The following HIVEP1 variants were observed in gnomAD, a reference collection of about 807,000 sequenced individuals.
The protein encoded by HIVEP1 is zinc finger protein 40.
Under a neutral mutation model 180.0 loss-of-function variants are expected in HIVEP1, and 36 were observed. The observed-to-expected ratio is 0.20, with a 90% confidence interval of 0.15 to 0.26. The LOEUF (loss-of-function observed/expected upper bound fraction) is 0.26, where lower values mean the gene tolerates loss of function less well. Ranked by LOEUF, HIVEP1 falls within the 10% of genes least tolerant of loss-of-function variation. HIVEP1 has a pLI of 1.00. For missense variants in HIVEP1, 3,143 were observed against 3,268.7 expected (o/e 0.96, Z 0.94); for synonymous variants, 1,239 against 1,239.0 (o/e 1.00, Z 0.00).
rs1428241937 is a variant in HIVEP1, at chr6:12,120,068, G to C, written c.273G>C (p.Ser91=). The C allele has an allele frequency of 1.2e-6, 2 of 1,612,760 alleles. No individual in the cohort carries two copies. The highest frequency in any genetic ancestry group is 2.7e-5 in the African/African-American group (2 of 74,652). The change falls in exon 4 of 9, where the codon TCG becomes TCC. Residue 91 remains serine (S), a synonymous_variant. Transcript: ENST00000379388. ...CTTTCGCCGTTCTTCATAGTGCTTCGGAGTCTCACAAGAAACAGAATTATA... is the reference window on the plus strand; with the variant it reads ...CTTTCGCCGTTCTTCATAGTGCTTCCGAGTCTCACAAGAAACAGAATTATA... ...ESSFAVLHSA[S]ESHKKQNYIP... is the part of the protein sequence containing the mutation.
At chr6:12,014,304 G>A (rs1238258148) in intron 1 of HIVEP1, among the ~76,000 whole-genome samples, 1 of 152,138 alleles carries the variant, frequency 6.6e-6, no homozygotes, top group Admixed American at 6.5e-5. Flanking sequence ...CACAAAATAA[G>A]CACTGGATAT....
At chr6:12,048,752 A>G (rs975548851) in intron 2 of HIVEP1, among the ~76,000 whole-genome samples, 1 of 152,214 alleles carries the variant, frequency 6.6e-6, no homozygotes, top group African/African-American at 2.4e-5. Context: ...ACTGAGATAC[A>G]GGCTTGTTTT....
rs1245891509 is a variant in HIVEP1 at position 12,120,036 on chromosome 6, G to A, written c.241G>A (p.Glu81Lys). 2 of 1,612,986 alleles carry A rather than the reference G, an allele frequency of 1.2e-6. No individual in the cohort carries two copies. The highest frequency in any genetic ancestry group is 4.5e-5 in the East Asian group (2 of 44,862). The change falls in exon 4 of 9, where the codon GAG (glutamate) becomes AAG (lysine). Residue 81 changes from glutamate (E) to lysine (K), a missense_variant. Physicochemically the swap from Glu to Lys is moderately conservative, Grantham distance 56. This residue lies in a region of HIVEP1 where 114 missense variants were observed against 134.5 expected (regional missense o/e 0.85). Coordinates refer to ENST00000379388, the MANE Select transcript of HIVEP1 (RefSeq NM_002114.4). Reference protein sequence around the residue: ...LQAKHKQNTEESSFAVLHSAS... With the variant: ...LQAKHKQNTEKSSFAVLHSAS... Reference sequence around the variant, plus strand: ...GGCAAAACATAAACAAAATACAGAAGAGTCATCTTTCGCCGTTCTTCATAG... The same window carrying A: ...GGCAAAACATAAACAAAATACAGAAAAGTCATCTTTCGCCGTTCTTCATAG...
At chr6:12,031,474 C>G (rs899715834) in intron 2 of HIVEP1, among the ~76,000 whole-genome samples, 2 of 152,216 alleles carry the variant, frequency 1.3e-5, no homozygotes, top group African/African-American at 4.8e-5. Flanking sequence ...ACCTCAGCCT[C>G]AGGCGGACAT....
intron 2 of HIVEP1, among the ~76,000 whole-genome samples, chr6:12,064,618 A>T (rs1221554534): frequency 6.6e-6 from 1 of 152,184 alleles, no homozygotes; most frequent in Non-Finnish European, 1.5e-5. Flanking sequence ...TTCAGTTTTG[A>T]GCCAGAACTG....
chr6:12,049,576 A>G (rs1402210734), intron 2 of HIVEP1, among the ~76,000 whole-genome samples: 2 of 152,246 alleles, frequency 1.3e-5, no homozygotes, highest in Admixed American at 6.5e-5. Context: ...GATTTTGTCC[A>G]GTTCTCTGTT....
At chr6:12,033,942 G>A (rs977177875) in intron 2 of HIVEP1, among the ~76,000 whole-genome samples, 5 of 152,142 alleles carry the variant, frequency 3.3e-5, no homozygotes, top group African/African-American at 1.2e-4. Context: ...AGGATTCAGG[G>A]CTCATTTGTT....
chr6:12,149,359 T>C (rs1759555099), intron 7 of HIVEP1, among the ~76,000 whole-genome samples: 1 of 152,250 alleles, frequency 6.6e-6, no homozygotes, highest in Non-Finnish European at 1.5e-5. Flanking sequence ...AACCTAAGGA[T>C]TGTGTTTTTA....
At chr6:12,127,214 C>G (rs1347891859) in intron 4 of HIVEP1, among the ~76,000 whole-genome samples, 1 of 151,982 alleles carries the variant, frequency 6.6e-6, no homozygotes, top group African/African-American at 2.4e-5. Context: ...TGAGAATAAA[C>G]TTGGTTCATT....
chr6:12,054,458 T>G (rs555397062), intron 2 of HIVEP1, among the ~76,000 whole-genome samples: 1 of 151,252 alleles, frequency 6.6e-6, no homozygotes, highest in South Asian at 2.1e-4. Flanking sequence ...GTATCTAGAC[T>G]ATATATACAT....
At chr6:12,117,772 C>G (rs1281463279) in intron 3 of HIVEP1, among the ~76,000 whole-genome samples, 1 of 152,170 alleles carries the variant, frequency 6.6e-6, no homozygotes, top group Non-Finnish European at 1.5e-5. Context: ...TTCAGCTCTG[C>G]TAGCTTCTCA....
intron 3 of HIVEP1, among the ~76,000 whole-genome samples, chr6:12,115,839 C>CAG (rs1428166027): frequency 1.3e-5 from 2 of 151,850 alleles, no homozygotes; most frequent in African/African-American, 4.8e-5. Context: ...TCCTCTGAGG[C>CAG]AGAGGCTCGC....
intron 2 of HIVEP1, among the ~76,000 whole-genome samples, chr6:12,020,581 C>A (rs1426687049): frequency 6.6e-6 from 1 of 151,946 alleles, no homozygotes; most frequent in Non-Finnish European, 1.5e-5. Context: ...CATGCCTCTT[C>A]CGTTGTGATA....
At chr6:12,098,895 A>T (rs999186364) in intron 3 of HIVEP1, among the ~76,000 whole-genome samples, 2 of 152,244 alleles carry the variant, frequency 1.3e-5, no homozygotes, top group Non-Finnish European at 2.9e-5. Flanking sequence ...CAGGAAATTT[A>T]TCAAACTTTG....
At chr6:12,026,602 C>T (rs911896438) in intron 2 of HIVEP1, among the ~76,000 whole-genome samples, 3 of 152,054 alleles carry the variant, frequency 2.0e-5, no homozygotes, top group African/African-American at 7.2e-5. Context: ...TATAAAATTA[C>T]CAGGTCAAGG....
chr6:12,177,749 G>A, the HIVEP1 span, among the ~76,000 whole-genome samples: 1 of 152,142 alleles, frequency 6.6e-6, no homozygotes, highest in South Asian at 2.1e-4. Context: ...CTAGATAAGT[G>A]ATAGGGGAAT....
the HIVEP1 span, among the ~76,000 whole-genome samples, chr6:12,207,959 CT>C: frequency 6.6e-6 from 1 of 151,034 alleles, no homozygotes; most frequent in Non-Finnish European, 1.5e-5. Context: ...AGAATCAGAC[CT>C]TGCTTTGAAT....
the HIVEP1 span, among the ~76,000 whole-genome samples, chr6:12,184,259 G>T: frequency 9.2e-5 from 14 of 152,132 alleles, no homozygotes; most frequent in Admixed American, 1.3e-4. Context: ...GAATACAGAT[G>T]ATATATTTGT....
intron 3 of HIVEP1, among the ~76,000 whole-genome samples, chr6:12,117,683 C>G (rs990453910): frequency 1.3e-5 from 2 of 152,198 alleles, no homozygotes; most frequent in Admixed American, 1.3e-4. Context: ...AACAGGCATA[C>G]CTACCCTGTC....
Sources: gnomAD v4.1 joint callset for allele counts (sites outside exome capture counted in the v4.1 genomes callset) on GRCh38, gnomAD v4.1.1 for gene constraint, gnomAD v4.1.1 regional missense constraint, MANE v1.5 for transcripts, NCBI Gene and HGNC (gene_info 2026-07-23, HGNC 2026-07-21) for gene names.